RUNX2: variants seen among roughly 807,000 people sequenced by gnomAD.
The protein encoded by RUNX2 is RUNX family transcription factor 2, also known as runt-related transcription factor 2.
Under a neutral mutation model 51.7 loss-of-function variants are expected in RUNX2, and 10 were observed. The ratio of observed to expected loss-of-function variants is 0.19; its 90% CI spans 0.12 to 0.33. RUNX2 has a LOEUF of 0.33. Among genes scored for constraint, RUNX2 ranks in the 10% least tolerant of loss-of-function variants. The probability of loss-of-function intolerance (pLI) is 1.00; values close to 1 mark genes in which losing one functional copy is unlikely to be tolerated. For synonymous variants in RUNX2, 276 were observed against 273.6 expected (o/e 1.01, Z -0.09); for missense variants, 562 against 691.3 (o/e 0.81, Z 2.10).
chr6:45,503,904 T>G (rs924416648), intron 6 of RUNX2, among the ~76,000 whole-genome samples: 1 of 152,202 alleles, frequency 6.6e-6, no homozygotes, highest in Admixed American at 6.5e-5. Context: ...CGTTTTTCAT[T>G]CTCTTCTCTG....
At chr6:45,468,301 A>T (rs1799697359) in intron 5 of RUNX2, among the ~76,000 whole-genome samples, 2 of 152,256 alleles carry the variant, frequency 1.3e-5, no homozygotes, top group African/African-American at 2.4e-5. Flanking sequence ...CCATTACCAT[A>T]GTATAAAAGA....
chr6:45,396,871 T>C (rs926917356), intron 2 of RUNX2, among the ~76,000 whole-genome samples: 4 of 152,212 alleles, frequency 2.6e-5, no homozygotes, highest in Non-Finnish European at 4.4e-5. Context: ...ACAATATCCA[T>C]TGAACAGATA....
At chr6:45,459,816 T>C (rs977407299) in intron 5 of RUNX2, among the ~76,000 whole-genome samples, 1 of 152,222 alleles carries the variant, frequency 6.6e-6, no homozygotes, top group Non-Finnish European at 1.5e-5. Context: ...TGATTTTTCA[T>C]GTAGGTCAGT....
chr6:45,502,860 G>T (rs926192194), intron 6 of RUNX2, among the ~76,000 whole-genome samples: 9 of 152,200 alleles, frequency 5.9e-5, no homozygotes, highest in African/African-American at 2.2e-4. Flanking sequence ...AAAATGTCTA[G>T]CATGGCCCAG....
At chr6:45,517,104 TGTTA>T (rs1238506331) in intron 7 of RUNX2, among the ~76,000 whole-genome samples, 1 of 152,172 alleles carries the variant, frequency 6.6e-6, no homozygotes, top group Non-Finnish European at 1.5e-5. Flanking sequence ...ACTTAGGATA[TGTTA>T]GTTAAAGATG....
At chr6:45,429,449 A>C (rs551349540) in intron 3 of RUNX2, among the ~76,000 whole-genome samples, 10 of 152,342 alleles carry the variant, frequency 6.6e-5, no homozygotes, top group African/African-American at 2.2e-4. Flanking sequence ...AAAATTGAAA[A>C]GCACATTGCC....
chr6:45,423,347 G>A (rs1798284205), intron 3 of RUNX2, among the ~76,000 whole-genome samples: 1 of 152,136 alleles, frequency 6.6e-6, no homozygotes, highest in Non-Finnish European at 1.5e-5. Context: ...CCCTTTCCCG[G>A]GGGCGAGGAT....
At chr6:45,414,149 C>A (rs975781511) in intron 2 of RUNX2, among the ~76,000 whole-genome samples, 4 of 152,178 alleles carry the variant, frequency 2.6e-5, no homozygotes, top group Admixed American at 6.5e-5. Flanking sequence ...TCATTCAACT[C>A]TCCTTTTTAG....
At chr6:45,470,662 C>T (rs928767856) in intron 5 of RUNX2, among the ~76,000 whole-genome samples, 3 of 152,114 alleles carry the variant, frequency 2.0e-5, no homozygotes, top group South Asian at 2.1e-4. Context: ...TCTTTGGTAC[C>T]GGAAATACTT....
chr6:45,492,393 T>C (rs1038955818), intron 6 of RUNX2, among the ~76,000 whole-genome samples: 1 of 152,204 alleles, frequency 6.6e-6, no homozygotes, highest in Admixed American at 6.5e-5. Flanking sequence ...TTTGGGAGAA[T>C]GTTTATTATA....
chr6:45,487,452 C>A (rs1221563349), intron 5 of RUNX2, among the ~76,000 whole-genome samples: 2 of 152,130 alleles, frequency 1.3e-5, no homozygotes, highest in East Asian at 3.8e-4. Flanking sequence ...TGACTTTCAA[C>A]AATGCTTAAG....
intron 2 of RUNX2, among the ~76,000 whole-genome samples, chr6:45,357,724 C>T (rs1793497052): frequency 1.3e-5 from 2 of 152,128 alleles, no homozygotes; most frequent in South Asian, 4.1e-4. Context: ...CAGAATACTA[C>T]ATAACATTGC....
chr6:45,482,355 G>A (rs867704441), intron 5 of RUNX2, among the ~76,000 whole-genome samples: 44 of 152,296 alleles, frequency 2.9e-4, no homozygotes, highest in African/African-American at 9.4e-4. Flanking sequence ...TGATATTGGC[G>A]TAGCCTGATA....
intron 6 of RUNX2, among the ~76,000 whole-genome samples, chr6:45,507,054 A>G (rs531141775): frequency 6.6e-6 from 1 of 151,106 alleles, no homozygotes; most frequent in South Asian, 2.1e-4. Context: ...TTGAGGTGAC[A>G]CTCTGGCTGA....
At position 45,407,755 on chromosome 6, in the gene RUNX2, C is replaced by A. The variant is rs149598758; in HGVS notation, c.59-14838C>A. On this transcript the variant is annotated intron_variant, in intron 2 of 8. Coordinates refer to ENST00000647337, the MANE Select transcript of RUNX2 (RefSeq NM_001024630.4). ...CCTCAAGCGATTCTCCTGCCATGGC[C>A]TCCCAAAATACTGGGATTATAGGCA... Among the ~76,000 whole-genome samples, 13 of 152,158 alleles carry A rather than the reference C, an allele frequency of 8.5e-5. No individual in the cohort carries two copies. In the East Asian group the frequency reaches 2.1e-3, roughly 25 times the overall value.
At chr6:45,394,333 C>T (rs1797538441) in intron 2 of RUNX2, among the ~76,000 whole-genome samples, 1 of 152,146 alleles carries the variant, frequency 6.6e-6, no homozygotes. Flanking sequence ...CAAGGCCCCA[C>T]CTCTAACACT....
intron 6 of RUNX2, among the ~76,000 whole-genome samples, chr6:45,502,670 G>C (rs1376485550): frequency 6.6e-6 from 1 of 152,156 alleles, no homozygotes; most frequent in Admixed American, 6.5e-5. Flanking sequence ...CCACCCCTGT[G>C]TCCATTCCAG....
intron 5 of RUNX2, among the ~76,000 whole-genome samples, chr6:45,491,709 TC>T (rs982215490): frequency 6.0e-5 from 9 of 151,134 alleles, no homozygotes; most frequent in Non-Finnish European, 1.0e-4. Flanking sequence ...CTTCAAGTTG[TC>T]CTCTGAGACC....
At chr6:45,437,063 T>G (rs1427367224) in intron 4 of RUNX2, among the ~76,000 whole-genome samples, 1 of 152,340 alleles carries the variant, frequency 6.6e-6, no homozygotes, top group Non-Finnish European at 1.5e-5. Flanking sequence ...TGTTAGTAAG[T>G]CTGTGCAACA....
Sources: gnomAD v4.1 joint callset for allele counts (sites outside exome capture counted in the v4.1 genomes callset) on GRCh38, gnomAD v4.1.1 for gene constraint, MANE v1.5 for transcripts, NCBI Gene and HGNC (gene_info 2026-07-23, HGNC 2026-07-21) for gene names.